Variants in TYW3 observed in about 807,000 individuals in gnomAD.
The protein encoded by TYW3 is tRNA-yW synthesizing protein 3 homolog.
TYW3 carries 26 observed loss-of-function variants against 23.1 expected under a neutral mutation model. The observed-to-expected ratio is 1.13, with a 90% CI of 0.83 to 1.56. TYW3 has a LOEUF of 1.56. Among genes scored for constraint, TYW3 ranks in the 40% most tolerant of loss-of-function variants. The pLI, the probability that TYW3 is intolerant of heterozygous loss-of-function variation, is 0.00. For synonymous variants in TYW3, 102 were observed against 105.7 expected (o/e 0.97, Z 0.21); for missense variants, 316 against 311.9 (o/e 1.01, Z -0.10).
chr1:74,748,828 A>C lies in TYW3; in HGVS notation c.426+6A>C, dbSNP rs760506605. ...AGAGAGGAAAAACTATGTTGGTAAGATATTTTGTCAAAGAGTAATTTTTTT... is the reference window on the plus strand; with the variant it reads ...AGAGAGGAAAAACTATGTTGGTAAGCTATTTTGTCAAAGAGTAATTTTTTT... On this transcript the variant is annotated splice_donor_region_variant and intron_variant, in intron 4 of 5. Coordinates refer to ENST00000370867, the MANE Select transcript of TYW3 (RefSeq NM_138467.3). 6.2e-7 allele frequency: 1 copy of C among 1,613,508 alleles called. No homozygotes were observed. The highest frequency in any genetic ancestry group is 1.7e-5 in the Admixed American group (1 of 59,994).
chr1:74,747,701 A>T (rs983576621), intron 3 of TYW3, among the ~76,000 whole-genome samples: 7 of 151,614 alleles, frequency 4.6e-5, no homozygotes, highest in African/African-American at 9.7e-5. Context: ...GTATGTATAC[A>T]TATGTGTGTG....
At chr1:74,749,469 T>C (rs1648700403) in intron 4 of TYW3, among the ~76,000 whole-genome samples, 1 of 151,564 alleles carries the variant, frequency 6.6e-6, no homozygotes, top group East Asian at 1.9e-4. Flanking sequence ...TGAGTCCTTC[T>C]CTAGCCAAGC....
At position 74,765,849 on chromosome 1, in the gene TYW3, C is replaced by A. The variant is rs186088497; in HGVS notation, c.*1736C>A. On this transcript the variant is annotated 3_prime_UTR_variant, in exon 6 of 6. Transcript: ENST00000370867. ...ATGAGAATTAAGAAGAGAGGGGCTG[C>A]TTCCTAATCTGTTTATATAAGGTAT... is the stretch of plus-strand genomic sequence containing the variant. 5 of 152,168 alleles carry A rather than the reference C, an allele frequency of 3.3e-5. No homozygotes were observed. The East Asian group carries it at 9.7e-4, about 29-fold the overall frequency. The allele number at this position is 152,168 out of a possible 1,614,324, so 9.4% of individuals were successfully genotyped here. A position where few individuals can be genotyped will look rare whatever the true frequency, so the allele number is the denominator to read the frequency against.
At chr1:74,744,763 G>A (rs1479729174) in intron 3 of TYW3, among the ~76,000 whole-genome samples, 1 of 152,198 alleles carries the variant, frequency 6.6e-6, no homozygotes, top group East Asian at 1.9e-4. Flanking sequence ...TAAAGATGGT[G>A]TGTCCGGAGT....
intron 5 of TYW3, among the ~76,000 whole-genome samples, chr1:74,760,143 T>G: frequency 6.6e-6 from 1 of 152,226 alleles, no homozygotes; most frequent in East Asian, 1.9e-4. Context: ...TATTATTCAT[T>G]AAGTGGAAAT....
chr1:74,756,972 G>A (rs993817810), intron 5 of TYW3, among the ~76,000 whole-genome samples: 5 of 152,396 alleles, frequency 3.3e-5, no homozygotes, highest in Middle Eastern at 6.8e-3. Context: ...GAGGGTGCAA[G>A]CCCCAAACCT....
intron 3 of TYW3, among the ~76,000 whole-genome samples, chr1:74,742,716 T>G (rs1350877051): frequency 6.6e-6 from 1 of 152,052 alleles, no homozygotes; most frequent in Non-Finnish European, 1.5e-5. Flanking sequence ...TTAACGGGAG[T>G]TCCCCCAGAG....
intron 5 of TYW3, among the ~76,000 whole-genome samples, chr1:74,762,065 A>G (rs953564235): frequency 6.6e-6 from 1 of 152,074 alleles, no homozygotes; most frequent in African/African-American, 2.4e-5. Context: ...TCTGTTTTTG[A>G]GATTAATTCA....
At chr1:74,758,131 C>G (rs572023890) in intron 5 of TYW3, among the ~76,000 whole-genome samples, 2 of 152,108 alleles carry the variant, frequency 1.3e-5, no homozygotes, top group Non-Finnish European at 2.9e-5. Context: ...GCTTTTCTTC[C>G]TGCTTGTGAT....
rs1463519597 is a variant in TYW3, at chr1:74,752,373, C to T, written c.508C>T (p.Leu170=). 2 of 1,613,126 alleles carry T rather than the reference C, an allele frequency of 1.2e-6. No homozygotes were observed. The highest frequency in any genetic ancestry group is 1.7e-5 in the Admixed American group (1 of 59,964). The part of the protein sequence containing the change: ...LMVTEEYIDF[L]LNVANQKMEE... ...GGTGACAGAGGAATATATTGACTTC[C>T]TGTTAAATGTGGCAAATCAAAAAAT... Residue 170 remains leucine (L), a synonymous_variant, in exon 5 of 6, where the codon CTG becomes TTG. Coordinates refer to ENST00000370867, the MANE Select transcript of TYW3 (RefSeq NM_138467.3).
chr1:74,760,136 TATTC>T (rs1649093189), intron 5 of TYW3, among the ~76,000 whole-genome samples: 1 of 152,222 alleles, frequency 6.6e-6, no homozygotes, highest in Admixed American at 6.5e-5. Flanking sequence ...ATATATTTAT[TATTC>T]ATTAAGTGGA....
At chr1:74,747,796 CAT>C (rs932317154) in intron 3 of TYW3, among the ~76,000 whole-genome samples, 10 of 147,024 alleles carry the variant, frequency 6.8e-5, no homozygotes, top group African/African-American at 2.0e-4. Context: ...CACATGTGTA[CAT>C]ATATATGTGT....
intron 4 of TYW3, 96 bp downstream of exon 4, chr1:74,748,918 A>C: frequency 6.2e-6 from 7 of 1,125,760 alleles, no homozygotes; most frequent in Non-Finnish European, 9.2e-6. Flanking sequence ...CTCCTTTCTC[A>C]AATCTTCTTG....
rs56289126 is a variant in TYW3, at chr1:74,744,938, G to T, written c.355-3813G>T. The stretch of plus-strand genomic sequence containing the variant: ...TTCATCCCGGTGGGTTCATGGTCTC[G>T]CTGACTTCAGGAGTGAAACTGCAGA... On this transcript the variant is annotated intron_variant, in intron 3 of 5. Transcript: ENST00000370867. 1.0e-3 allele frequency among the ~76,000 whole-genome samples: 156 copies of T among 151,678 alleles called. 1 individual carries two copies. Among genetic ancestry groups the T allele is most frequent in the Non-Finnish European group, 1.4e-3 (93 of 67,942 alleles).
chr1:74,747,780 T>C (rs937205033), intron 3 of TYW3, among the ~76,000 whole-genome samples: 1 of 151,818 alleles, frequency 6.6e-6, no homozygotes, highest in Non-Finnish European at 1.5e-5. Flanking sequence ...TGTGTGTATA[T>C]GTATACACAT....
intron 2 of TYW3, among the ~76,000 whole-genome samples, chr1:74,736,866 AT>A (rs1648173008): frequency 6.6e-6 from 1 of 152,224 alleles, no homozygotes; most frequent in Non-Finnish European, 1.5e-5. Context: ...GTTCATGGAT[AT>A]TGGACACCTA....
At chr1:74,746,636 C>T (rs1209770324) in intron 3 of TYW3, among the ~76,000 whole-genome samples, 2 of 152,136 alleles carry the variant, frequency 1.3e-5, no homozygotes, top group Non-Finnish European at 2.9e-5. Flanking sequence ...TTCTAGGGGA[C>T]AGAGGCAGAC....
chr1:74,736,654 CTT>C (rs766485569), intron 2 of TYW3, 32 bp downstream of exon 2: 2 of 1,517,296 alleles, frequency 1.3e-6, no homozygotes. Context: ...TGGAAATAAA[CTT>C]TTAAATTCAG....
chr1:74,766,659 T>G lies in TYW3; in HGVS notation c.*2546T>G, dbSNP rs1649316892. On this transcript the variant is annotated 3_prime_UTR_variant, in exon 6 of 6. Transcript: ENST00000370867. ...AGCCAAGGTTAATTTATTGAAGAAA[T>G]AAAACATTTTTAATGAAATTTTGTG... 1 of 152,106 alleles carries G rather than the reference T, an allele frequency of 6.6e-6. No individual in the cohort carries two copies. Among genetic ancestry groups the G allele is most frequent in the South Asian group, 2.1e-4 (1 of 4,828 alleles). 9.4% of individuals were successfully genotyped at this position (152,106 alleles called of 1,614,324 possible). A position where few individuals can be genotyped will look rare whatever the true frequency, so the allele number is the denominator to read the frequency against.
Sources: allele counts gnomAD v4.1 joint callset (sites outside exome capture counted in the v4.1 genomes callset), GRCh38; gene constraint gnomAD v4.1.1; transcripts MANE v1.5; gene names NCBI Gene and HGNC (gene_info 2026-07-23, HGNC 2026-07-21).